The following ITIH5 variants were observed in gnomAD, a reference collection of about 807,000 sequenced individuals.
ITIH5 encodes the protein inter-alpha-trypsin inhibitor heavy chain H5.
A neutral mutation model predicts 77.5 loss-of-function variants in ITIH5; 65 were observed. The ratio of observed to expected loss-of-function variants is 0.84; its 90% CI spans 0.69 to 1.03. ITIH5 has a LOEUF of 1.03. ITIH5 is among the 50% of genes least tolerant of loss of function. The pLI, the probability that ITIH5 is intolerant of heterozygous loss-of-function variation, is 0.00. For missense variants in ITIH5, 1,208 were observed against 1,213.1 expected (o/e 1.00, Z 0.06); for synonymous variants, 525 against 494.3 (o/e 1.06, Z -0.82).
intron 2 of ITIH5, among the ~76,000 whole-genome samples, chr10:7,643,016 T>C (rs1161030950): frequency 6.6e-6 from 1 of 152,110 alleles, no homozygotes; most frequent in Non-Finnish European, 1.5e-5. Context: ...ATGAGTGCCT[T>C]TGGGAGAAAT....
At chr10:7,608,997 T>C (rs1833188042) in intron 7 of ITIH5, among the ~76,000 whole-genome samples, 1 of 152,176 alleles carries the variant, frequency 6.6e-6, no homozygotes, top group Non-Finnish European at 1.5e-5. Flanking sequence ...TGAAAAGTGG[T>C]CTACAGACCA....
Position 7,583,490 on chromosome 10 carries a change from G to A in ITIH5, c.1108+2411C>T, listed in dbSNP as rs376764139. Among the ~76,000 whole-genome samples the A allele has an allele frequency of 8.4e-4, 128 of 152,126 alleles. 1 individual carries two copies. Among genetic ancestry groups the A allele is most frequent in the Non-Finnish European group, 1.3e-3 (86 of 67,978 alleles). Reference sequence around the variant, plus strand: ...TGGGACTACAGGCGCAAGCTACCACGCCCAGCTGATTTTTTTGTATTTTAG... The same window carrying A: ...TGGGACTACAGGCGCAAGCTACCACACCCAGCTGATTTTTTTGTATTTTAG... On this transcript the variant is annotated intron_variant, in intron 8 of 13. Transcript: ENST00000397146.
At chr10:7,640,611 A>G (rs1230807547) in intron 4 of ITIH5, 143 bp downstream of exon 4, 1 of 612,392 alleles carries the variant, frequency 1.6e-6, no homozygotes, top group African/African-American at 1.9e-5. Flanking sequence ...TATATTATTC[A>G]CTAGATGTAT....
rs1832424778 is a variant in ITIH5, at chr10:7,576,639, T to C, written c.1792A>G (p.Lys598Glu). The C allele has an allele frequency of 1.2e-6, 2 of 1,614,052 alleles. No homozygotes were observed. Among genetic ancestry groups the C allele is most frequent in the Non-Finnish European group, 1.7e-6 (2 of 1,180,028 alleles). Residue 598 changes from lysine to glutamate, a missense_variant, in exon 10 of 14, where the codon AAG (lysine) becomes GAG (glutamate). Coordinates refer to ENST00000397146, the MANE Select transcript of ITIH5 (RefSeq NM_030569.7). ...TGGGCCCGCTGCCGCAGCCGCTCCTTCTCCGGTTCATCGTCACTTTGCAGC... is the reference window on the plus strand; with the variant it reads ...TGGGCCCGCTGCCGCAGCCGCTCCTCCTCCGGTTCATCGTCACTTTGCAGC... ...SWLQSDDEPEKERLRQRAQAL... is the reference protein window; with the variant it reads ...SWLQSDDEPEEERLRQRAQAL...
chr10:7,608,562 C>G (rs1373773605), intron 7 of ITIH5, among the ~76,000 whole-genome samples: 1 of 152,194 alleles, frequency 6.6e-6, no homozygotes, highest in Non-Finnish European at 1.5e-5. Context: ...GGATTACAGG[C>G]ATGAGCCACC....
intron 7 of ITIH5, among the ~76,000 whole-genome samples, chr10:7,605,143 C>G (rs1384382520): frequency 6.6e-6 from 1 of 151,876 alleles, no homozygotes; most frequent in African/African-American, 2.4e-5. Context: ...TTTTCCCCAG[C>G]AAAATTCTAA....
intron 7 of ITIH5, among the ~76,000 whole-genome samples, chr10:7,598,545 A>G (rs769720561): frequency 7.9e-5 from 12 of 152,206 alleles, no homozygotes; most frequent in Non-Finnish European, 1.3e-4. Context: ...CAGGGCTCCT[A>G]TATTTTAAAA....
At chr10:7,591,378 C>T (rs11255220) in intron 7 of ITIH5, among the ~76,000 whole-genome samples, 42,921 of 152,026 alleles carry the variant, frequency 0.28, 6,385 homozygotes, top group East Asian at 0.49. Context: ...GGGCTGCCCT[C>T]CTTCCCCGCC....
intron 7 of ITIH5, among the ~76,000 whole-genome samples, chr10:7,599,531 G>C (rs1211567041): frequency 6.6e-6 from 1 of 152,178 alleles, no homozygotes; most frequent in Non-Finnish European, 1.5e-5. Context: ...ATCCCCGCAT[G>C]TTTCATTGTA....
chr10:7,602,895 G>A (rs556755454), intron 7 of ITIH5, among the ~76,000 whole-genome samples: 1 of 152,076 alleles, frequency 6.6e-6, no homozygotes, highest in African/African-American at 2.4e-5. Context: ...CACCACTCTG[G>A]CTCAAGTTCC....
chr10:7,629,045 G>A (rs1294606221), intron 5 of ITIH5, among the ~76,000 whole-genome samples: 13 of 131,636 alleles, frequency 9.9e-5, no homozygotes, highest in South Asian at 2.7e-4. Flanking sequence ...CTGTTGTAGC[G>A]TGTGTCCATG....
intron 2 of ITIH5, among the ~76,000 whole-genome samples, chr10:7,655,430 G>C (rs1213293963): frequency 6.6e-6 from 1 of 151,790 alleles, no homozygotes; most frequent in Non-Finnish European, 1.5e-5. Flanking sequence ...GAAATAATCA[G>C]GTCTCCTTCC....
intron 3 of ITIH5, among the ~76,000 whole-genome samples, chr10:7,641,573 G>GA (rs1215892853): frequency 6.9e-6 from 1 of 144,098 alleles, no homozygotes; most frequent in African/African-American, 2.6e-5. Flanking sequence ...AAGAAAGGAA[G>GA]AAAAAAATTG....
At chr10:7,625,399 T>A (rs1258731850) in intron 5 of ITIH5, among the ~76,000 whole-genome samples, 1 of 152,046 alleles carries the variant, frequency 6.6e-6, no homozygotes, top group Non-Finnish European at 1.5e-5. Flanking sequence ...AGTTTCAGTT[T>A]GGGAGATGGA....
At chr10:7,663,044 C>T (rs1834304479) in intron 1 of ITIH5, among the ~76,000 whole-genome samples, 1 of 152,186 alleles carries the variant, frequency 6.6e-6, no homozygotes, top group Admixed American at 6.5e-5. Flanking sequence ...GCATATATTG[C>T]ACATCACCTA....
intron 2 of ITIH5, among the ~76,000 whole-genome samples, chr10:7,654,678 A>G (rs7091139): frequency 0.12 from 18,443 of 152,206 alleles, 1,281 homozygotes; most frequent in East Asian, 0.29. Flanking sequence ...GACTACTGCT[A>G]TTACTGTGAG....
intron 7 of ITIH5, among the ~76,000 whole-genome samples, chr10:7,591,133 A>C (rs1009115023): frequency 1.2e-4 from 18 of 152,056 alleles, no homozygotes; most frequent in Admixed American, 3.9e-4. Flanking sequence ...CTGACCTCAT[A>C]ATCTGCCTGC....
rs1482167856 is a variant in ITIH5, at chr10:7,569,728, A to C, written c.2089T>G (p.Phe697Val). Residue 697 changes from phenylalanine (F) to valine (V), a missense_variant, in exon 12 of 14, where the codon TTC becomes GTC. Coordinates refer to ENST00000397146, the MANE Select transcript of ITIH5 (RefSeq NM_030569.7). Reference sequence around the variant, plus strand: ...TCCCCGGGCTGCCCATCAATGTTGAAGCACACGGTGAGTCTGCTCAGGGGG... The same window carrying C: ...TCCCCGGGCTGCCCATCAATGTTGACGCACACGGTGAGTCTGCTCAGGGGG... Reference protein sequence around the residue: ...DFPLSRLTVCFNIDGQPGDIL... With the variant: ...DFPLSRLTVCVNIDGQPGDIL... 1 of 1,613,330 alleles carries C rather than the reference A, an allele frequency of 6.2e-7. No homozygotes were observed. Among genetic ancestry groups the C allele is most frequent in the Admixed American group, 1.7e-5 (1 of 59,848 alleles).
Position 7,622,804 on chromosome 10 carries a change from G to A in ITIH5, c.653-5522C>T, listed in dbSNP as rs77228618. Among the ~76,000 whole-genome samples, 149 of 152,290 alleles carry A rather than the reference G, an allele frequency of 9.8e-4. 2 individuals are homozygous for A. In the East Asian group the frequency reaches 0.026, roughly 27 times the overall value. ...TATACACAGAATTTTGCACGTAAGC[G>A]TAAATGTACATTTTTTTCTGAAGAA... On this transcript the variant is annotated intron_variant, in intron 5 of 13. Transcript: ENST00000397146.
Sources: gnomAD v4.1 joint callset for allele counts (sites outside exome capture counted in the v4.1 genomes callset) on GRCh38, gnomAD v4.1.1 for gene constraint, MANE v1.5 for transcripts, NCBI Gene and HGNC (gene_info 2026-07-23, HGNC 2026-07-21) for gene names.